The following TMCO4 variants were observed in gnomAD, a reference collection of about 807,000 sequenced individuals.
TMCO4 encodes transmembrane and coiled-coil domains 4, also known as transmembrane and coiled-coil domain-containing protein 4.
A neutral mutation model predicts 64.7 loss-of-function variants in TMCO4; 58 were observed. The observed-to-expected ratio is 0.90, with a 90% CI of 0.73 to 1.12. The LOEUF (loss-of-function observed/expected upper bound fraction) is 1.12. Among genes scored for constraint, TMCO4 ranks in the 50% most tolerant of loss-of-function variants. The pLI, the probability that TMCO4 is intolerant of heterozygous loss-of-function variation, is 0.00. For missense variants in TMCO4, 780 were observed against 825.9 expected (o/e 0.94, Z 0.68); for synonymous variants, 325 against 346.1 (o/e 0.94, Z 0.68).
At chr1:19,745,759 C>A in intron 9 of TMCO4, 108 bp from the exon 10 acceptor site, 1 of 1,378,234 alleles carries the variant, frequency 7.3e-7, no homozygotes, top group Admixed American at 2.4e-5. Context: ...ATCTGTGTGC[C>A]CTGCCCCTGG....
chr1:19,691,563 G>T (rs1334948287), intron 15 of TMCO4, among the ~76,000 whole-genome samples: 16 of 152,178 alleles, frequency 1.1e-4, no homozygotes, highest in Admixed American at 1.0e-3. Flanking sequence ...TGGCACGGGT[G>T]GGTCTGAGGC....
At chr1:19,739,709 A>G (rs2095470393) in intron 12 of TMCO4, 115 bp downstream of exon 12, 1 of 1,478,718 alleles carries the variant, frequency 6.8e-7, no homozygotes, top group East Asian at 2.3e-5. Flanking sequence ...CACACCCCCA[A>G]AACCATTGAG....
In TMCO4 at chr1:19,682,967, G is replaced by C; in HGVS notation, c.*73C>G. On this transcript the variant is annotated 3_prime_UTR_variant, in exon 16 of 16. Transcript: ENST00000294543. ...GAAATCCTGTACCTCCAGAGCTCCT[G>C]GGAGGAACCCGAGGGTATAAGAGAG... 6.7e-7 allele frequency: 1 copy of C among 1,502,342 alleles called. No homozygotes were observed. The highest frequency in any genetic ancestry group is 8.9e-7 in the Non-Finnish European group (1 of 1,120,838). 93.1% of individuals were successfully genotyped at this position (1,502,342 alleles called of 1,614,324 possible).
chr1:19,773,928 G>A (rs2043096580), intron 4 of TMCO4, among the ~76,000 whole-genome samples: 2 of 152,154 alleles, frequency 1.3e-5, no homozygotes, highest in South Asian at 4.1e-4. Context: ...TGGTTCCCCT[G>A]GAAATTGGCT....
At chr1:19,719,462 T>A (rs1031606252) in intron 13 of TMCO4, among the ~76,000 whole-genome samples, 1 of 152,136 alleles carries the variant, frequency 6.6e-6, no homozygotes, top group Non-Finnish European at 1.5e-5. Flanking sequence ...ATAATAACCA[T>A]AACAGTAACA....
chr1:19,695,958 C>A (rs1201290975), intron 14 of TMCO4, among the ~76,000 whole-genome samples: 1 of 152,128 alleles, frequency 6.6e-6, no homozygotes, highest in African/African-American at 2.4e-5. Flanking sequence ...CTCCCCTCTC[C>A]CCTCCAATAC....
intron 14 of TMCO4, among the ~76,000 whole-genome samples, chr1:19,697,661 T>C (rs187946097): frequency 0.012 from 1,730 of 140,134 alleles, 16 homozygotes; most frequent in Non-Finnish European, 0.02. Flanking sequence ...TGCAGTTGCA[T>C]GATCTTGGCT....
intron 13 of TMCO4, among the ~76,000 whole-genome samples, chr1:19,708,564 C>T (rs992276547): frequency 1.3e-5 from 2 of 152,122 alleles, no homozygotes; most frequent in East Asian, 1.9e-4. Flanking sequence ...TTCCAAAGGG[C>T]CCCACAGAGA....
intron 15 of TMCO4, among the ~76,000 whole-genome samples, chr1:19,691,069 T>G (rs181697336): frequency 6.6e-6 from 1 of 151,988 alleles, no homozygotes; most frequent in East Asian, 1.9e-4. Flanking sequence ...GGAGTTTCAC[T>G]GTGTTAGCCA....
intron 15 of TMCO4, among the ~76,000 whole-genome samples, chr1:19,688,649 T>C (rs2143292): frequency 0.12 from 18,537 of 152,162 alleles, 1,314 homozygotes; most frequent in East Asian, 0.22. Context: ...GAAGCAGTGG[T>C]TAACAGCCCA....
chr1:19,795,429 G>A lies in TMCO4; in HGVS notation c.-101+2708C>T, dbSNP rs556278070. Among the ~76,000 whole-genome samples the A allele has an allele frequency of 1.7e-4, 26 of 152,192 alleles. 1 individual carries two copies. The highest frequency in any genetic ancestry group is 1.9e-4 in the East Asian group (1 of 5,182). On this transcript the variant is annotated intron_variant, in intron 2 of 15. Coordinates refer to ENST00000294543, the MANE Select transcript of TMCO4 (RefSeq NM_181719.7). ...GGAGGTTGCAGTGAGCCGAGATTGC[G>A]CCATTGCACTCCAGCCTGGGTGACA... is the stretch of plus-strand genomic sequence containing the variant.
intron 7 of TMCO4, among the ~76,000 whole-genome samples, chr1:19,752,493 A>T (rs939249536): frequency 6.6e-6 from 1 of 152,164 alleles, no homozygotes; most frequent in Non-Finnish European, 1.5e-5. Context: ...ACTCTCTGTC[A>T]TCTTATCTCC....
rs149711918 is a variant in TMCO4, at chr1:19,696,336, G to A, written c.1383-1785C>T. On this transcript the variant is annotated intron_variant, in intron 14 of 15. Transcript: ENST00000294543. ...AGGCTGAGGTGGGAGGATTGCTCGGGCCCAGGCATTTGAGACCAGCCTAGG... is the reference window on the plus strand; with the variant it reads ...AGGCTGAGGTGGGAGGATTGCTCGGACCCAGGCATTTGAGACCAGCCTAGG... Among the ~76,000 whole-genome samples, 102 of 152,242 alleles carry A rather than the reference G, an allele frequency of 6.7e-4. 2 individuals are homozygous for A. The East Asian group carries it at 0.013, about 20-fold the overall frequency.
chr1:19,712,199 G>A (rs1019639265), intron 13 of TMCO4, among the ~76,000 whole-genome samples: 2 of 152,232 alleles, frequency 1.3e-5, no homozygotes, highest in African/African-American at 4.8e-5. Context: ...CAGCCAGCTG[G>A]TGGAGCATCG....
intron 15 of TMCO4, among the ~76,000 whole-genome samples, chr1:19,686,269 C>T (rs10917517): frequency 0.52 from 79,471 of 151,898 alleles, 22,478 homozygotes; most frequent in Non-Finnish European, 0.64. Context: ...CCCAGCCAGT[C>T]GAGGGGGCCT....
chr1:19,791,936 A>G (rs2044061757), intron 2 of TMCO4, among the ~76,000 whole-genome samples: 1 of 152,172 alleles, frequency 6.6e-6, no homozygotes, highest in African/African-American at 2.4e-5. Context: ...GTGGGAGGTA[A>G]CTGAATCATG....
At chr1:19,789,248 G>A (rs1310964590) in intron 2 of TMCO4, among the ~76,000 whole-genome samples, 2 of 150,616 alleles carry the variant, frequency 1.3e-5, no homozygotes, top group South Asian at 2.1e-4. Context: ...CTAAAAATAC[G>A]AAAATTAGCT....
At chr1:19,693,783 T>G (rs2095215975) in intron 15 of TMCO4, among the ~76,000 whole-genome samples, 1 of 152,150 alleles carries the variant, frequency 6.6e-6, no homozygotes, top group Non-Finnish European at 1.5e-5. Context: ...GCTTCTGCTT[T>G]TGGTCTAGCC....
intron 13 of TMCO4, among the ~76,000 whole-genome samples, chr1:19,723,905 A>C (rs966340697): frequency 6.6e-6 from 1 of 152,182 alleles, no homozygotes; most frequent in Non-Finnish European, 1.5e-5. Context: ...GGCTGGAGCA[A>C]GCCCCCAAAT....
Sources: allele counts gnomAD v4.1 joint callset (sites outside exome capture counted in the v4.1 genomes callset), GRCh38; gene constraint gnomAD v4.1.1; transcripts MANE v1.5; gene names NCBI Gene and HGNC (gene_info 2026-07-23, HGNC 2026-07-21).